The following PRIM2 variants were observed in gnomAD, a reference collection of about 807,000 sequenced individuals.
The protein encoded by PRIM2 is DNA primase subunit 2.
PRIM2 carries 39 observed loss-of-function variants against 67.3 expected under a neutral mutation model. The ratio of observed to expected loss-of-function variants is 0.58; its 90% CI spans 0.45 to 0.76. PRIM2 has a LOEUF of 0.76. Among genes scored for constraint, PRIM2 ranks in the 30% least tolerant of loss-of-function variants. The probability of loss-of-function intolerance (pLI) is 0.00; values close to 1 mark genes in which losing one functional copy is unlikely to be tolerated. For synonymous variants in PRIM2, 143 were observed against 198.7 expected (o/e 0.72, Z 2.36); for missense variants, 398 against 598.7 (o/e 0.66, Z 3.50).
chr6:57,514,669 A>G (rs1255281567), intron 8 of PRIM2, among the ~76,000 whole-genome samples: 1 of 152,072 alleles, frequency 6.6e-6, no homozygotes, highest in African/African-American at 2.4e-5. Flanking sequence ...TCACATCTGT[A>G]TGGAAAATGT....
chr6:57,576,793 AG>A (rs1337772694), intron 10 of PRIM2, among the ~76,000 whole-genome samples: 1 of 128,508 alleles, frequency 7.8e-6, no homozygotes, highest in Non-Finnish European at 1.6e-5. Flanking sequence ...GCAAATTGCA[AG>A]GAAAAAAAAA....
At chr6:57,542,972 G>A (rs1490053972) in intron 10 of PRIM2, among the ~76,000 whole-genome samples, 1 of 35,668 alleles carries the variant, frequency 2.8e-5, no homozygotes, top group Non-Finnish European at 5.9e-5. Flanking sequence ...ACGGAGTCTC[G>A]CTGTCGCCCA....
intron 12 of PRIM2, among the ~76,000 whole-genome samples, chr6:57,631,124 A>C (rs1213469768): frequency 7.2e-5 from 11 of 152,144 alleles, no homozygotes; most frequent in East Asian, 3.8e-4. Context: ...TCTGTAACTA[A>C]TTTTTTTGTG....
intron 7 of PRIM2, among the ~76,000 whole-genome samples, chr6:57,482,515 C>T (rs1773652841): frequency 6.6e-6 from 1 of 152,046 alleles, no homozygotes; most frequent in Non-Finnish European, 1.5e-5. Flanking sequence ...AGTTTCAGTT[C>T]ATTGGTATAT....
At chr6:57,370,238 AT>A (rs996273395) in intron 5 of PRIM2, among the ~76,000 whole-genome samples, 74 of 151,906 alleles carry the variant, frequency 4.9e-4, no homozygotes, top group Non-Finnish European at 5.9e-5. Context: ...GAGAATGAGT[AT>A]TTTTTTTAGG....
chr6:57,625,027 C>T (rs1280536427), intron 12 of PRIM2, among the ~76,000 whole-genome samples: 2 of 152,124 alleles, frequency 1.3e-5, no homozygotes, highest in Non-Finnish European at 2.9e-5. Flanking sequence ...CACTACCATG[C>T]GAACAGTATG....
intron 7 of PRIM2, among the ~76,000 whole-genome samples, chr6:57,410,817 A>C (rs1771064584): frequency 6.6e-6 from 1 of 152,136 alleles, no homozygotes; most frequent in Non-Finnish European, 1.5e-5. Flanking sequence ...TCCTGAACTT[A>C]AGGATAGATA....
chr6:57,542,939 ATT>A lies in PRIM2; in HGVS notation c.1020+5332_1020+5333del, dbSNP rs1193756482. 2.4e-4 allele frequency among the ~76,000 whole-genome samples: 17 copies of A among 71,880 alleles called. 3 individuals are homozygous for A. The highest frequency in any genetic ancestry group is 6.5e-4 in the Admixed American group (4 of 6,174). 47.2% of individuals were successfully genotyped at this position (71,880 alleles called of 152,430 possible). A position where few individuals can be genotyped will look rare whatever the true frequency, so the allele number is the denominator to read the frequency against. On this transcript the variant is annotated intron_variant, in intron 10 of 13. Coordinates refer to ENST00000615550, the MANE Select transcript of PRIM2 (RefSeq NM_000947.5). ...GTTGGCTTAAAATACTGCTTATAGG[ATT>A]TTTTTTTTTTTTTTTTTGAGACGGA...
At position 57,319,221 on chromosome 6, in the gene PRIM2, A is replaced by G. The variant is rs1398820195; in HGVS notation, c.154+622A>G. Among the ~76,000 whole-genome samples, 7 of 152,220 alleles carry G rather than the reference A, an allele frequency of 4.6e-5. No homozygotes were observed. In the East Asian group the frequency reaches 1.3e-3, roughly 29 times the overall value. On this transcript the variant is annotated intron_variant, in intron 2 of 13. Transcript: ENST00000615550. ...ATGGAGGGCATTTTGTGCCATGCTA[A>G]TGATATGATATTGGGGTGTAAGAAG...
At chr6:57,289,545 C>A in the PRIM2 span, among the ~76,000 whole-genome samples, 1 of 152,088 alleles carries the variant, frequency 6.6e-6, no homozygotes, top group Non-Finnish European at 1.5e-5. Context: ...ATGTTAAGGG[C>A]AGCCAGAGAG....
chr6:57,288,438 C>A, the PRIM2 span, among the ~76,000 whole-genome samples: 1 of 152,146 alleles, frequency 6.6e-6, no homozygotes, highest in Non-Finnish European at 1.5e-5. Flanking sequence ...CTGAAGAGAG[C>A]AGTAGTTCTC....
intron 8 of PRIM2, among the ~76,000 whole-genome samples, chr6:57,511,849 T>C (rs1774375589): frequency 2.0e-5 from 3 of 152,152 alleles, no homozygotes; most frequent in African/African-American, 7.2e-5. Context: ...GTGGGGGATG[T>C]TTAGTGAGCA....
At chr6:57,439,471 A>T (rs1206317911) in intron 7 of PRIM2, among the ~76,000 whole-genome samples, 1 of 117,306 alleles carries the variant, frequency 8.5e-6, no homozygotes, top group Non-Finnish European at 1.6e-5. Context: ...GCTGGAGTGT[A>T]GTGGCACCAT....
At chr6:57,272,495 C>G in the PRIM2 span, among the ~76,000 whole-genome samples, 3 of 152,142 alleles carry the variant, frequency 2.0e-5, no homozygotes, top group Admixed American at 1.3e-4. Flanking sequence ...ATTCCTCCAT[C>G]CCTTTATTTT....
intron 7 of PRIM2, among the ~76,000 whole-genome samples, chr6:57,496,227 A>G (rs1188775020): frequency 6.6e-6 from 1 of 152,232 alleles, no homozygotes; most frequent in African/African-American, 2.4e-5. Context: ...TTAATAAAGA[A>G]TGTATTTAAG....
At chr6:57,531,519 T>C (rs1774891778) in intron 8 of PRIM2, among the ~76,000 whole-genome samples, 1 of 152,310 alleles carries the variant, frequency 6.6e-6, no homozygotes, top group African/African-American at 2.4e-5. Flanking sequence ...CACCTGAGTC[T>C]GTGTTCATGG....
chr6:57,634,487 A>G (rs1289133219), intron 13 of PRIM2, among the ~76,000 whole-genome samples: 1 of 152,284 alleles, frequency 6.6e-6, no homozygotes, highest in Non-Finnish European at 1.5e-5. Context: ...TGGCAACACC[A>G]GGTTTATATG....
intron 7 of PRIM2, among the ~76,000 whole-genome samples, chr6:57,485,022 G>A (rs1462662216): frequency 1.3e-5 from 2 of 152,182 alleles, no homozygotes; most frequent in Non-Finnish European, 2.9e-5. Context: ...AAGTACTGTT[G>A]AATGGATGCA....
At chr6:57,574,167 A>T (rs1775919239) in intron 10 of PRIM2, among the ~76,000 whole-genome samples, 1 of 152,202 alleles carries the variant, frequency 6.6e-6, no homozygotes, top group African/African-American at 2.4e-5. Context: ...TGCATAAATA[A>T]GGTGCCAATC....
Sources: allele counts gnomAD v4.1 joint callset (sites outside exome capture counted in the v4.1 genomes callset), GRCh38; gene constraint gnomAD v4.1.1; transcripts MANE v1.5; gene names NCBI Gene and HGNC (gene_info 2026-07-23, HGNC 2026-07-21).